Variants in ANXA11 observed in about 807,000 individuals in gnomAD.
ANXA11 encodes the protein 56 kDa autoantigen.
Under a neutral mutation model 64.7 loss-of-function variants are expected in ANXA11, and 57 were observed. That is an observed-to-expected ratio of 0.88 (90% CI 0.71 to 1.10). The LOEUF is 1.10. Ranked by LOEUF, ANXA11 falls within the 50% of genes least tolerant of loss-of-function variation. ANXA11 has a pLI of 0.00. For synonymous variants in ANXA11, 260 were observed against 265.2 expected, an observed-to-expected ratio of 0.98 and a Z score of 0.19; for missense variants, 675 against 670.7, an observed-to-expected ratio of 1.01 and a Z score of -0.07.
At chr10:80,156,643 T>C (rs536126107) in intron 15 of ANXA11, 10 of 348,564 alleles carry the variant, frequency 2.9e-5, no homozygotes, top group South Asian at 2.2e-4. Flanking sequence ...CCTACCTAAT[T>C]AGCTGGGATT....
chr10:80,202,455 T>C (rs1402205745), intron 1 of ANXA11, among the ~76,000 whole-genome samples: 6 of 152,200 alleles, frequency 3.9e-5, no homozygotes, highest in Non-Finnish European at 5.9e-5. Flanking sequence ...TGTAACAGTT[T>C]CAGTGGTTAT....
Position 80,157,717 on chromosome 10 carries a change from C to T in ANXA11, c.1382G>A (p.Arg461His), listed in dbSNP as rs961003614. Reference sequence around the variant, plus strand: ...GATGTCCAGGAGGTCGGTCTCGCTGCGAGACACCATGATGCGAATCAGGGT... The same window carrying T: ...GATGTCCAGGAGGTCGGTCTCGCTGTGAGACACCATGATGCGAATCAGGGT... ...DRTLIRIMVS[R>H]SETDLLDIRS... Residue 461 changes from arginine to histidine, a missense_variant, in exon 15 of 16, where the codon CGC (arginine) becomes CAC (histidine). Transcript: ENST00000422982. 16 of 1,613,834 alleles carry T rather than the reference C, an allele frequency of 9.9e-6. No individual in the cohort carries two copies. The East Asian group carries it at 1.3e-4, about 13-fold the overall frequency.
At chr10:80,187,804 G>T (rs1846605746) in intron 1 of ANXA11, among the ~76,000 whole-genome samples, 1 of 152,106 alleles carries the variant, frequency 6.6e-6, no homozygotes, top group African/African-American at 2.4e-5. Context: ...AAGTCCCAGG[G>T]TGGCTGAGGC....
rs1845966602 is a variant in ANXA11, at chr10:80,171,274, G to A, written c.56-359C>T. On this transcript the variant is annotated intron_variant, in intron 3 of 15. Transcript: ENST00000422982. ...ACAGACTGTTGTGGGACACCATGCT[G>A]AGCCCATGACAGAGGTGACCATAGG... is the stretch of plus-strand genomic sequence containing the variant. 4 of 1,120,786 alleles carry A rather than the reference G, an allele frequency of 3.6e-6. No homozygotes were observed. The African/African-American group carries it at 5.0e-5, about 14-fold the overall frequency. The allele number at this position is 1,120,786 out of a possible 1,614,324, so 69.4% of individuals were successfully genotyped here. A position where few individuals can be genotyped will look rare whatever the true frequency, so the allele number is the denominator to read the frequency against.
At position 80,166,198 on chromosome 10, in the gene ANXA11, C is replaced by T; in HGVS notation, c.745-1G>A. On this transcript the variant is annotated splice_acceptor_variant, in intron 7 of 15. Coordinates refer to ENST00000422982, the MANE Select transcript of ANXA11 (RefSeq NM_145868.2). LOFTEE classifies it high-confidence loss of function. Reference sequence around the variant, plus strand: ...CAGATTTCAGATCTTTGATCAAATCCTGATTGGATATTCAAACAAACAACC... The same window carrying T: ...CAGATTTCAGATCTTTGATCAAATCTTGATTGGATATTCAAACAAACAACC... 2 of 1,552,328 alleles carry T rather than the reference C, an allele frequency of 1.3e-6. No individual in the cohort carries two copies. Among genetic ancestry groups the T allele is most frequent in the South Asian group, 1.2e-5 (1 of 86,478 alleles).
chr10:80,186,672 C>G (rs1846552397), intron 1 of ANXA11, among the ~76,000 whole-genome samples: 1 of 152,182 alleles, frequency 6.6e-6, no homozygotes, highest in African/African-American at 2.4e-5. Context: ...AGAATTTTCA[C>G]TGAGGTGTGG....
chr10:80,160,102 CA>C (rs1439773683), intron 12 of ANXA11, among the ~76,000 whole-genome samples: 1 of 152,232 alleles, frequency 6.6e-6, no homozygotes, highest in African/African-American at 2.4e-5. Context: ...GCCTGAGTCT[CA>C]GCTACCATTT....
At chr10:80,180,942 C>T (rs1846333624) in intron 1 of ANXA11, 1 of 152,208 alleles carries the variant, frequency 6.6e-6, no homozygotes, top group South Asian at 2.1e-4. Context: ...CTCTCTTACC[C>T]GCATGATGTC....
intron 1 of ANXA11, among the ~76,000 whole-genome samples, chr10:80,194,736 A>C (rs1293305216): frequency 6.6e-6 from 1 of 152,200 alleles, no homozygotes; most frequent in Non-Finnish European, 1.5e-5. Context: ...TTTGGAGCTC[A>C]ATAGCATTAT....
At chr10:80,162,521 G>A (rs1028065781) in intron 11 of ANXA11, among the ~76,000 whole-genome samples, 4 of 152,204 alleles carry the variant, frequency 2.6e-5, no homozygotes, top group Non-Finnish European at 5.9e-5. Flanking sequence ...GCCCTTGTCC[G>A]GGCTCTGCTT....
chr10:80,168,590 G>C (rs1845839979), intron 5 of ANXA11, among the ~76,000 whole-genome samples: 1 of 152,162 alleles, frequency 6.6e-6, no homozygotes, highest in Non-Finnish European at 1.5e-5. Flanking sequence ...AGTGAGTGCA[G>C]CGGCATGATC....
upstream of ANXA11, chr10:80,205,659 T>G (rs1368034052): frequency 6.6e-6 from 1 of 152,064 alleles, no homozygotes; most frequent in Non-Finnish European, 1.5e-5. Flanking sequence ...GCCTTCCGGC[T>G]GCGGAGCTGC....
At chr10:80,198,495 T>C (rs891725392) in intron 1 of ANXA11, among the ~76,000 whole-genome samples, 1 of 152,198 alleles carries the variant, frequency 6.6e-6, no homozygotes, top group African/African-American at 2.4e-5. Context: ...CATTATACAA[T>C]ATGGGAGCCT....
intron 1 of ANXA11, among the ~76,000 whole-genome samples, chr10:80,204,168 T>C (rs1258638853): frequency 3.9e-5 from 6 of 152,178 alleles, no homozygotes; most frequent in African/African-American, 1.2e-4. Context: ...AAAGAAAAGA[T>C]AGCAAGGTAT....
chr10:80,193,967 C>T (rs914742765), intron 1 of ANXA11, among the ~76,000 whole-genome samples: 6 of 151,974 alleles, frequency 3.9e-5, no homozygotes, highest in Admixed American at 6.5e-5. Context: ...TATAGGCATG[C>T]GCCACCACGC....
At chr10:80,183,799 CAGA>C (rs1453339345) in intron 1 of ANXA11, among the ~76,000 whole-genome samples, 1 of 152,224 alleles carries the variant, frequency 6.6e-6, no homozygotes, top group Non-Finnish European at 1.5e-5. Flanking sequence ...TCCTCACAGC[CAGA>C]AGGTTCCAGA....
Position 80,152,653 on chromosome 10 carries a change from G to C in ANXA11, c.*3200C>G, listed in dbSNP as rs73299508. The C allele has an allele frequency of 0.077, 11,667 of 152,368 alleles. 671 individuals are homozygous for C. The highest frequency in any genetic ancestry group is 0.14 in the African/African-American group (5,961 of 41,512). The allele number at this position is 152,368 out of a possible 1,614,324, so 9.4% of individuals were successfully genotyped here. A position where few individuals can be genotyped will look rare whatever the true frequency, so the allele number is the denominator to read the frequency against. ...TTATTCAGCAGCTATCTCATCAGCA[G>C]CTCTCACACTGTCCACCTTTACCTA... is the stretch of plus-strand genomic sequence containing the variant. On this transcript the variant is annotated 3_prime_UTR_variant, in exon 16 of 16. Transcript: ENST00000422982.
In ANXA11 at chr10:80,159,020, C is replaced by A. The variant is rs112550067; in HGVS notation, c.1276+80G>T. On this transcript the variant is annotated intron_variant, in intron 13 of 15. Transcript: ENST00000422982. ...GTCCCTTCACGGTGTCACCCATCAG[C>A]TGGAGGACAGGCGAGCAGCCTGAAC... 0.12 allele frequency: 127,704 copies of A among 1,055,708 alleles called. 9,125 individuals carry two copies. The highest frequency in any genetic ancestry group is 0.15 in the Non-Finnish European group (101,516 of 678,886). 65.4% of individuals were successfully genotyped at this position (1,055,708 alleles called of 1,614,324 possible).
At chr10:80,156,849 G>A (rs1242571629) in intron 15 of ANXA11, 2 of 288,938 alleles carry the variant, frequency 6.9e-6, no homozygotes, top group African/African-American at 4.6e-5. Flanking sequence ...TACAGCCAAG[G>A]AAACACAGTG....
Sources: allele counts gnomAD v4.1 joint callset (sites outside exome capture counted in the v4.1 genomes callset), GRCh38; gene constraint gnomAD v4.1.1; transcripts MANE v1.5; gene names NCBI Gene and HGNC (gene_info 2026-07-23, HGNC 2026-07-21).